The following SDK1 variants were observed in gnomAD, a reference collection of about 807,000 sequenced individuals.
The protein encoded by SDK1 is sidekick cell adhesion molecule 1.
SDK1 carries 157 observed loss-of-function variants against 245.5 expected under a neutral mutation model. The ratio of observed to expected loss-of-function variants is 0.64; its 90% CI spans 0.56 to 0.73. The LOEUF is 0.73. Ranked by LOEUF, SDK1 falls within the 30% of genes least tolerant of loss-of-function variation. The pLI, the probability that SDK1 is intolerant of heterozygous loss-of-function variation, is 0.00. For synonymous variants in SDK1, 1,647 were observed against 1,278.5 expected (o/e 1.29, Z -6.15); for missense variants, 3,583 against 3,002.3 (o/e 1.19, Z -4.52).
chr7:4,058,539 C>G (rs1779336757), intron 19 of SDK1, among the ~76,000 whole-genome samples: 1 of 152,180 alleles, frequency 6.6e-6, no homozygotes, highest in Non-Finnish European at 1.5e-5. Flanking sequence ...AAGGTCTTCT[C>G]CATGGCACAT....
At chr7:3,802,559 C>T (rs1051631622) in intron 4 of SDK1, among the ~76,000 whole-genome samples, 4 of 151,794 alleles carry the variant, frequency 2.6e-5, no homozygotes, top group African/African-American at 7.3e-5. Flanking sequence ...TGCTACAGAG[C>T]TGTTCTGTCA....
chr7:3,371,501 T>G (rs1202559628), intron 1 of SDK1, among the ~76,000 whole-genome samples: 1 of 151,766 alleles, frequency 6.6e-6, no homozygotes, highest in African/African-American at 2.4e-5. Flanking sequence ...CAGGGGGCCC[T>G]AAGGGGGAAA....
At chr7:3,968,504 T>A (rs1423856207) in intron 10 of SDK1, among the ~76,000 whole-genome samples, 1 of 152,212 alleles carries the variant, frequency 6.6e-6, no homozygotes, top group Non-Finnish European at 1.5e-5. Flanking sequence ...CTCCTAAAGA[T>A]CTGGGACACT....
In SDK1 at chr7:3,901,915, G is replaced by A. The variant is rs113101172; in HGVS notation, c.848-49008G>A. 7.3e-3 allele frequency among the ~76,000 whole-genome samples: 1,113 copies of A among 152,216 alleles called. 19 individuals carry two copies. Among genetic ancestry groups the A allele is most frequent in the African/African-American group, 0.025 (1,035 of 41,534 alleles). ...CGTTACTCATTTAGGTGTTAACATT[G>A]TTTCAGATTTGGCTGCTGGGCATGG... On this transcript the variant is annotated intron_variant, in intron 5 of 44. Transcript: ENST00000404826.
chr7:3,761,231 G>C (rs1414719164), intron 4 of SDK1, among the ~76,000 whole-genome samples: 2 of 127,230 alleles, frequency 1.6e-5, no homozygotes, highest in African/African-American at 5.7e-5. Context: ...GAAAAATCCA[G>C]TAGTTTTTTT....
Position 4,208,279 on chromosome 7 carries a change from C to T in SDK1, c.5395C>T (p.Gln1799Ter), listed in dbSNP as rs766805859. 1.2e-6 allele frequency: 2 copies of T among 1,612,494 alleles called. No individual in the cohort carries two copies. The highest frequency in any genetic ancestry group is 2.2e-5 in the East Asian group (1 of 44,836). The change falls in exon 37 of 45, where the codon CAG becomes TAG. Residue 1799 changes from glutamine (Q) to a stop codon, truncating the protein, a stop_gained. Coordinates refer to ENST00000404826, the MANE Select transcript of SDK1 (RefSeq NM_152744.4). LOFTEE classifies it high-confidence loss of function. ...TGACCCCCAGCAGGGGCGCACCCAC[C>T]AGGCCGGTAGGAGGAAGGCGGGTTT... ...KSDPQQGRTHQAAPGAPSFLA... is the reference protein window; with the variant it reads ...KSDPQQGRTH
intron 1 of SDK1, among the ~76,000 whole-genome samples, chr7:3,379,242 T>C (rs1781426462): frequency 6.6e-6 from 1 of 152,174 alleles, no homozygotes; most frequent in Non-Finnish European, 1.5e-5. Context: ...CCTGTCACGA[T>C]GGAGCTTATG....
intron 1 of SDK1, among the ~76,000 whole-genome samples, chr7:3,335,234 C>G (rs1343364474): frequency 2.0e-5 from 3 of 152,142 alleles, no homozygotes; most frequent in African/African-American, 7.2e-5. Flanking sequence ...ACTTAGAATA[C>G]AATTTAAAAT....
At chr7:4,071,225 A>G (rs1233461387) in intron 20 of SDK1, among the ~76,000 whole-genome samples, 1 of 151,558 alleles carries the variant, frequency 6.6e-6, no homozygotes, top group Non-Finnish European at 1.5e-5. Flanking sequence ...GGGTTTTACC[A>G]TATTGGTAAG....
chr7:3,362,183 A>G (rs1780970986), intron 1 of SDK1, among the ~76,000 whole-genome samples: 3 of 152,340 alleles, frequency 2.0e-5, no homozygotes, highest in Admixed American at 6.5e-5. Context: ...TAACCCTGGG[A>G]GAACCCTATA....
chr7:3,672,970 C>G (rs1783766363), intron 4 of SDK1, among the ~76,000 whole-genome samples: 1 of 150,944 alleles, frequency 6.6e-6, no homozygotes, highest in South Asian at 2.1e-4. Context: ...ATTACTTCCT[C>G]TTTTATTCCT....
At chr7:3,900,927 T>G (rs752884290) in intron 5 of SDK1, among the ~76,000 whole-genome samples, 9 of 152,122 alleles carry the variant, frequency 5.9e-5, no homozygotes, top group Non-Finnish European at 1.3e-4. Flanking sequence ...ATCATTCAAA[T>G]TCAAATGTGC....
At chr7:4,149,103 C>T (rs145129204) in intron 29 of SDK1, among the ~76,000 whole-genome samples, 159 bp from the exon 30 acceptor site, 1 of 152,024 alleles carries the variant, frequency 6.6e-6, no homozygotes, top group Non-Finnish European at 1.5e-5. Flanking sequence ...CCTCTCATCT[C>T]CCTGACCCAA....
At chr7:4,230,840 A>G (rs1344923119) in intron 40 of SDK1, among the ~76,000 whole-genome samples, 3 of 152,146 alleles carry the variant, frequency 2.0e-5, no homozygotes, top group Admixed American at 2.0e-4. Flanking sequence ...GTTGACCTCA[A>G]AAAGATGAGT....
chr7:3,674,705 C>A (rs1583295428), intron 4 of SDK1, among the ~76,000 whole-genome samples: 1 of 152,216 alleles, frequency 6.6e-6, no homozygotes. Context: ...CAGGGAAGAG[C>A]CCTGATGTGT....
intron 1 of SDK1, among the ~76,000 whole-genome samples, chr7:3,565,789 A>C (rs546112553): frequency 1.5e-4 from 23 of 152,324 alleles, no homozygotes; most frequent in African/African-American, 5.3e-4. Context: ...AGTAGTTGTT[A>C]TATTGTTCAG....
At chr7:3,317,180 CAAAAAAAAAAAAAAAAAAA>C (rs57138474) in intron 1 of SDK1, among the ~76,000 whole-genome samples, 6 of 32,712 alleles carry the variant, frequency 1.8e-4, no homozygotes, top group Non-Finnish European at 2.8e-4. Flanking sequence ...GACTCTGTCT[CAAAAAAAAAAAAAAAAAAA>C]AAAAAAAAAG....
intron 4 of SDK1, among the ~76,000 whole-genome samples, chr7:3,651,396 C>G (rs999293842): frequency 1.3e-5 from 2 of 152,116 alleles, no homozygotes; most frequent in Non-Finnish European, 2.9e-5. Flanking sequence ...AAGCAAACTT[C>G]TTGTTGTGAG....
At chr7:3,357,326 G>GTTTTTTTTTTTTTTTTTTTT (rs1780826215) in intron 1 of SDK1, among the ~76,000 whole-genome samples, 2 of 50,102 alleles carry the variant, frequency 4.0e-5, no homozygotes. Context: ...CCTTCTTTTA[G>GTTTTTTTTTTTTTTTTTTTT]TGTTTTTTTT....
Sources: allele counts gnomAD v4.1 joint callset (sites outside exome capture counted in the v4.1 genomes callset), GRCh38; gene constraint gnomAD v4.1.1; transcripts MANE v1.5; gene names NCBI Gene and HGNC (gene_info 2026-07-23, HGNC 2026-07-21).